Variants in ANKH observed in about 807,000 individuals in gnomAD.
ANKH encodes the protein mineralization regulator ANKH.
In ANKH, 15 loss-of-function variants were observed where a neutral mutation model predicts 49.0. The ratio of observed to expected loss-of-function variants is 0.31; its 90% confidence interval spans 0.20 to 0.47. The LOEUF (loss-of-function observed/expected upper bound fraction) is 0.47, where lower values mean the gene tolerates loss of function less well. ANKH is among the 20% of genes least tolerant of loss of function. The pLI is 1.00. For synonymous variants in ANKH, 273 were observed against 260.0 expected, an observed-to-expected ratio of 1.05 and a Z score of -0.48; for missense variants, 429 against 652.0, an observed-to-expected ratio of 0.66 and a Z score of 3.72.
chr5:14,845,540 T>A (rs142813046), intron 1 of ANKH, among the ~76,000 whole-genome samples: 261 of 152,180 alleles, frequency 1.7e-3, no homozygotes, highest in African/African-American at 6.0e-3. Flanking sequence ...GACTTCTGAG[T>A]CCCCTGCAAG....
At chr5:14,750,371 C>G (rs1738671533) in intron 5 of ANKH, among the ~76,000 whole-genome samples, 1 of 152,158 alleles carries the variant, frequency 6.6e-6, no homozygotes, top group African/African-American at 2.4e-5. Context: ...GTTTCTTATT[C>G]AACTTTCAGG....
chr5:14,841,332 T>G (rs557646485), intron 1 of ANKH, among the ~76,000 whole-genome samples: 1 of 152,096 alleles, frequency 6.6e-6, no homozygotes, highest in South Asian at 2.1e-4. Context: ...AGTCTCGCTC[T>G]GTCACCCAGG....
intron 1 of ANKH, among the ~76,000 whole-genome samples, chr5:14,852,969 C>T (rs890959853): frequency 3.9e-5 from 6 of 152,054 alleles, no homozygotes; most frequent in Non-Finnish European, 8.8e-5. Context: ...TCCGCCAAAC[C>T]GTGTCAAGGT....
At chr5:14,719,671 A>G (rs1351826873) in intron 8 of ANKH, among the ~76,000 whole-genome samples, 1 of 152,216 alleles carries the variant, frequency 6.6e-6, no homozygotes, top group African/African-American at 2.4e-5. Flanking sequence ...TTGTTTGAGA[A>G]AGGAAGGGAA....
intron 1 of ANKH, among the ~76,000 whole-genome samples, chr5:14,833,650 C>T (rs1448247066): frequency 6.6e-6 from 1 of 152,218 alleles, no homozygotes; most frequent in Admixed American, 6.5e-5. Flanking sequence ...CTGCCAGAGA[C>T]CTTTCAAAAT....
intron 4 of ANKH, among the ~76,000 whole-genome samples, chr5:14,752,257 T>C (rs1738745940): frequency 6.6e-6 from 1 of 151,822 alleles, no homozygotes; most frequent in African/African-American, 2.4e-5. Context: ...TTACAGTGAG[T>C]TTTGATCGTG....
intron 1 of ANKH, among the ~76,000 whole-genome samples, chr5:14,857,016 C>T (rs532025204): frequency 4.7e-4 from 72 of 152,340 alleles, no homozygotes; most frequent in Admixed American, 1.5e-3. Context: ...AAGCGCTTTT[C>T]TCTGTCTGGA....
At chr5:14,775,452 C>A (rs916120139) in intron 1 of ANKH, among the ~76,000 whole-genome samples, 7 of 152,206 alleles carry the variant, frequency 4.6e-5, no homozygotes, top group Non-Finnish European at 8.8e-5. Flanking sequence ...GTCTCTCTCT[C>A]AAAATACTGC....
At chr5:14,790,386 A>G (rs1374956450) in intron 1 of ANKH, among the ~76,000 whole-genome samples, 4 of 152,256 alleles carry the variant, frequency 2.6e-5, no homozygotes, top group Admixed American at 6.5e-5. Flanking sequence ...GATCAGGGAA[A>G]AACAGGAAGT....
chr5:14,784,242 A>C (rs1360214754), intron 1 of ANKH, among the ~76,000 whole-genome samples: 2 of 152,336 alleles, frequency 1.3e-5, no homozygotes, highest in East Asian at 3.9e-4. Context: ...AACAACTAAA[A>C]ATTCCCATGA....
At chr5:14,871,006 C>T (rs1735800752) in intron 1 of ANKH, 1 of 386,574 alleles carries the variant, frequency 2.6e-6, no homozygotes, top group Non-Finnish European at 5.1e-6. Flanking sequence ...AAATAAAAAC[C>T]CAGCACTTAA....
intron 8 of ANKH, 83 bp from the exon 9 acceptor site, chr5:14,716,918 G>A (rs1259954500): frequency 1.3e-6 from 2 of 1,561,776 alleles, no homozygotes; most frequent in Admixed American, 3.4e-5. Flanking sequence ...CACAATCCTT[G>A]GAGAGTTACG....
chr5:14,797,908 C>T lies in ANKH; in HGVS notation c.97-28717G>A. On this transcript the variant is annotated intron_variant, in intron 1 of 11. Coordinates refer to ENST00000284268, the MANE Select transcript of ANKH (RefSeq NM_054027.6). ...AGACGCAAGTCTGGGTTGCATTCTC[C>T]AGAAGGATCTGGTTTAGAAGGATGT... 5.6e-6 allele frequency: 9 copies of T among 1,608,814 alleles called. No homozygotes were observed. In the South Asian group the frequency reaches 7.7e-5, roughly 14 times the overall value.
rs115154795 is a variant in ANKH at position 14,813,052 on chromosome 5, G to A, written c.97-43861C>T. 9.6e-3 allele frequency among the ~76,000 whole-genome samples: 1,461 copies of A among 152,168 alleles called. 7 individuals carry two copies. The highest frequency in any genetic ancestry group is 0.015 in the Admixed American group (235 of 15,274). On this transcript the variant is annotated intron_variant, in intron 1 of 11. Coordinates refer to ENST00000284268, the MANE Select transcript of ANKH (RefSeq NM_054027.6). ...AGCCAGACATTTGAGACCAGCCTGGGCAACATAGTGAAACCCTATCTCTAC... is the reference window on the plus strand; with the variant it reads ...AGCCAGACATTTGAGACCAGCCTGGACAACATAGTGAAACCCTATCTCTAC...
chr5:14,741,692 T>C, intron 8 of ANKH, 135 bp downstream of exon 8: 4 of 699,182 alleles, frequency 5.7e-6, no homozygotes, highest in Non-Finnish European at 7.6e-6. Flanking sequence ...AAGAAGAAAG[T>C]GTATTGAAGA....
At position 14,745,591 on chromosome 5, in the gene ANKH, C is replaced by G. The variant is rs937070098; in HGVS notation, c.915+279G>C. On this transcript the variant is annotated intron_variant, in intron 7 of 11. Transcript: ENST00000284268. The surrounding 1 kb of genome is among the most constrained non-coding windows in gnomAD (Gnocchi z 4.7). ...ATTGATTTTGGGGGAAGTTTATTTT[C>G]CCTTTCGCAAACAAATCATTTCTCA... 6.6e-6 allele frequency among the ~76,000 whole-genome samples: 1 copy of G among 152,236 alleles called. No individual in the cohort carries two copies. Among genetic ancestry groups the G allele is most frequent in the Non-Finnish European group, 1.5e-5 (1 of 68,046 alleles).
intron 4 of ANKH, among the ~76,000 whole-genome samples, chr5:14,754,796 C>A (rs139600690): frequency 6.6e-6 from 1 of 152,228 alleles, no homozygotes; most frequent in East Asian, 1.9e-4. Flanking sequence ...AGAAATGAGA[C>A]TGGGCGTGGT....
chr5:14,720,894 T>C (rs138193330), intron 8 of ANKH, among the ~76,000 whole-genome samples: 452 of 152,318 alleles, frequency 3.0e-3, no homozygotes, highest in Middle Eastern at 0.01. Context: ...GAGGGTGTAA[T>C]TGCACGTCAG....
chr5:14,787,041 C>T (rs1304225280), intron 1 of ANKH, among the ~76,000 whole-genome samples: 1 of 150,556 alleles, frequency 6.6e-6, no homozygotes, highest in Non-Finnish European at 1.5e-5. Context: ...AGGCCGGGTG[C>T]GGTGGCTCAC....
Sources: allele counts gnomAD v4.1 joint callset (sites outside exome capture counted in the v4.1 genomes callset), GRCh38; gene constraint gnomAD v4.1.1; non-coding constraint Gnocchi (gnomAD v3.1); transcripts MANE v1.5; gene names NCBI Gene and HGNC (gene_info 2026-07-23, HGNC 2026-07-21).